Variants in CSMD1 observed in about 807,000 individuals in gnomAD.
CSMD1 encodes the protein CUB and sushi domain-containing protein 1.
In CSMD1, 213 loss-of-function variants were observed where a neutral mutation model predicts 417.5. The ratio of observed to expected loss-of-function variants is 0.51; its 90% CI spans 0.46 to 0.57. The LOEUF (loss-of-function observed/expected upper bound fraction) is 0.57, where lower values mean the gene tolerates loss of function less well. CSMD1 is among the 20% of genes least tolerant of loss of function. The probability of loss-of-function intolerance (pLI) is 0.00; values close to 1 mark genes in which losing one functional copy is unlikely to be tolerated. For synonymous variants in CSMD1, 2,862 were observed against 1,736.8 expected (o/e 1.65, Z -16.11); for missense variants, 6,923 against 4,529.7 (o/e 1.53, Z -15.17).
chr8:3,901,110 T>G (rs1462339951), intron 5 of CSMD1, among the ~76,000 whole-genome samples: 1 of 152,198 alleles, frequency 6.6e-6, no homozygotes, highest in Non-Finnish European at 1.5e-5. Context: ...AATGTGTGTA[T>G]ACTTTTGGGG....
chr8:3,361,779 A>C (rs774248041), intron 20 of CSMD1, among the ~76,000 whole-genome samples: 1 of 152,058 alleles, frequency 6.6e-6, no homozygotes, highest in Non-Finnish European at 1.5e-5. Context: ...CTTTGCTTTA[A>C]GTATATTTTT....
chr8:4,722,795 T>C (rs1038721879), intron 1 of CSMD1, among the ~76,000 whole-genome samples: 1 of 152,202 alleles, frequency 6.6e-6, no homozygotes, highest in Non-Finnish European at 1.5e-5. Context: ...ATTTCAGGAA[T>C]ACTTGTTTTC....
chr8:3,337,861 AT>A (rs1807373454), intron 23 of CSMD1, among the ~76,000 whole-genome samples: 1 of 152,152 alleles, frequency 6.6e-6, no homozygotes, highest in Non-Finnish European at 1.5e-5. Flanking sequence ...AGTGTTTATG[AT>A]GTTTCTTCTA....
intron 25 of CSMD1, among the ~76,000 whole-genome samples, chr8:3,293,077 C>T (rs1309346086): frequency 1.3e-5 from 2 of 152,022 alleles, no homozygotes; most frequent in East Asian, 3.9e-4. Flanking sequence ...ATTTCTCCTT[C>T]ACTTATGAAG....
intron 10 of CSMD1, among the ~76,000 whole-genome samples, chr8:3,495,936 G>C (rs68015181): frequency 2.0e-5 from 3 of 151,946 alleles, no homozygotes; most frequent in African/African-American, 7.3e-5. Context: ...GGGGTACATG[G>C]GCAGGATGTG....
chr8:3,259,922 C>T (rs926624226), intron 26 of CSMD1, among the ~76,000 whole-genome samples: 13 of 152,158 alleles, frequency 8.5e-5, no homozygotes, highest in African/African-American at 2.7e-4. Flanking sequence ...CTCATACATG[C>T]GTTGTCTGTA....
chr8:3,065,446 T>C (rs895536132), intron 49 of CSMD1, among the ~76,000 whole-genome samples: 1 of 151,922 alleles, frequency 6.6e-6, no homozygotes, highest in Non-Finnish European at 1.5e-5. Context: ...GATAGATACA[T>C]ACAGAGAGAT....
In CSMD1 at chr8:4,946,177, G is replaced by C. The variant is rs543987682; in HGVS notation, c.85+48155C>G. On this transcript the variant is annotated intron_variant, in intron 1 of 69. Transcript: ENST00000635120. ...TTTCAATTAAAAACTTTGATACTCC[G>C]TGTTGTTTTGGTCTGACTCAACATA... Among the ~76,000 whole-genome samples, 26 of 152,224 alleles carry C rather than the reference G, an allele frequency of 1.7e-4. No individual in the cohort carries two copies. The South Asian group carries it at 3.5e-3, about 21-fold the overall frequency.
At chr8:4,295,979 A>C (rs372055718) in intron 3 of CSMD1, among the ~76,000 whole-genome samples, 1 of 151,880 alleles carries the variant, frequency 6.6e-6, no homozygotes, top group South Asian at 2.1e-4. Context: ...GAAAAAAACA[A>C]ACAAAAACAA....
intron 3 of CSMD1, among the ~76,000 whole-genome samples, chr8:4,078,013 A>T (rs1799924553): frequency 6.6e-6 from 1 of 152,136 alleles, no homozygotes; most frequent in Non-Finnish European, 1.5e-5. Flanking sequence ...GGAAAAAAAT[A>T]GCGCTATTTC....
intron 3 of CSMD1, among the ~76,000 whole-genome samples, chr8:4,093,874 C>A (rs936931945): frequency 1.7e-4 from 26 of 152,010 alleles, no homozygotes; most frequent in African/African-American, 6.0e-4. Context: ...GCAGGAGAAT[C>A]ACTTGAACGC....
chr8:4,977,117 C>T (rs1410690909), intron 1 of CSMD1, among the ~76,000 whole-genome samples: 5 of 152,162 alleles, frequency 3.3e-5, no homozygotes, highest in Admixed American at 6.5e-5. Context: ...TTTATATCAA[C>T]AGCTGGCCTT....
intron 2 of CSMD1, among the ~76,000 whole-genome samples, chr8:4,460,800 A>G (rs1221081681): frequency 6.6e-6 from 1 of 152,200 alleles, no homozygotes; most frequent in Non-Finnish European, 1.5e-5. Flanking sequence ...ATGCTAAAGA[A>G]AATTCCAGGC....
intron 51 of CSMD1, among the ~76,000 whole-genome samples, chr8:3,027,122 A>G (rs1809989715): frequency 6.6e-6 from 1 of 152,208 alleles, no homozygotes; most frequent in Non-Finnish European, 1.5e-5. Context: ...AATTTTTTTA[A>G]ATGTTTAAAA....
intron 27 of CSMD1, among the ~76,000 whole-genome samples, chr8:3,224,756 C>G (rs114751182): frequency 3.3e-5 from 5 of 152,172 alleles, no homozygotes; most frequent in African/African-American, 7.2e-5. Context: ...GGTTAATAGG[C>G]AAGCCAGTTT....
chr8:3,209,410 G>A (rs1023632035), intron 30 of CSMD1, among the ~76,000 whole-genome samples: 1 of 151,928 alleles, frequency 6.6e-6, no homozygotes, highest in African/African-American at 2.4e-5. Context: ...TCCATCTCCC[G>A]GGTTCATGCC....
intron 3 of CSMD1, among the ~76,000 whole-genome samples, chr8:4,073,062 C>T (rs1475985866): frequency 6.6e-6 from 1 of 152,180 alleles, no homozygotes; most frequent in Non-Finnish European, 1.5e-5. Context: ...AGTCAATATT[C>T]ATTCTGGTTT....
intron 57 of CSMD1, among the ~76,000 whole-genome samples, chr8:2,968,195 A>C (rs1031076361): frequency 6.6e-6 from 1 of 152,256 alleles, no homozygotes; most frequent in Non-Finnish European, 1.5e-5. Context: ...CAAGACAACT[A>C]TTCATTCAAC....
At chr8:4,175,377 T>A (rs1797984846) in intron 3 of CSMD1, among the ~76,000 whole-genome samples, 1 of 152,214 alleles carries the variant, frequency 6.6e-6, no homozygotes, top group South Asian at 2.1e-4. Flanking sequence ...TGGGCTCTAG[T>A]CTGATCTTCT....
Sources: allele counts gnomAD v4.1 joint callset (sites outside exome capture counted in the v4.1 genomes callset), GRCh38; gene constraint gnomAD v4.1.1; transcripts MANE v1.5; gene names NCBI Gene and HGNC (gene_info 2026-07-23, HGNC 2026-07-21).